Variants in RHBDD2 observed in about 807,000 individuals in gnomAD.
RHBDD2 encodes rhomboid domain containing 2.
In RHBDD2, 13 loss-of-function variants were observed where a neutral mutation model predicts 21.7. The observed-to-expected ratio is 0.60, with a 90% CI of 0.39 to 0.95. The LOEUF (loss-of-function observed/expected upper bound fraction) is 0.95. RHBDD2 is among the 40% of genes least tolerant of loss of function. RHBDD2 has a pLI of 0.00. For missense variants in RHBDD2, 473 were observed against 478.9 expected, an observed-to-expected ratio of 0.99 and a Z score of 0.11; for synonymous variants, 225 against 220.0, an observed-to-expected ratio of 1.02 and a Z score of -0.20.
rs782379443 is a variant in RHBDD2, at chr7:75,888,311, G to A, written c.1057G>A (p.Ala353Thr). The A allele has an allele frequency of 4.3e-6, 7 of 1,612,386 alleles. No individual in the cohort carries two copies. The highest frequency in any genetic ancestry group is 4.0e-5 in the African/African-American group (3 of 74,940). ...TGGGGCCTTGGGCACACCAGGGGCT[G>A]CAGGCTCCAAGGAGTCCTCCAGGGT... ...YSGALGTPGA[A>T]GSKESSRVPM... Residue 353 changes from alanine to threonine, a missense_variant, in exon 4 of 4, where the codon GCA (alanine) becomes ACA (threonine). By Grantham distance (58) the Ala-to-Thr change is moderately conservative (BLOSUM62 0). Transcript: ENST00000006777.
chr7:75,881,296 T>A, intron 1 of RHBDD2: 1 of 1,216,200 alleles, frequency 8.2e-7, no homozygotes, highest in South Asian at 1.3e-5. Context: ...ATCTTTATTG[T>A]TAATGATAGT....
chr7:75,884,114 C>T (rs537260053), intron 3 of RHBDD2, among the ~76,000 whole-genome samples: 3 of 152,170 alleles, frequency 2.0e-5, no homozygotes, highest in South Asian at 2.1e-4. Context: ...AGGCTGGTCT[C>T]GAACTCCTGA....
chr7:75,883,612 G>A, intron 2 of RHBDD2, 86 bp from the exon 3 acceptor site: 1 of 1,200,276 alleles, frequency 8.3e-7, no homozygotes, highest in East Asian at 2.4e-5. Context: ...CTTCTGTAGA[G>A]TGAGTGGGAA....
chr7:75,882,650 C>CT (rs1219961541), intron 2 of RHBDD2, among the ~76,000 whole-genome samples: 1 of 151,244 alleles, frequency 6.6e-6, no homozygotes. Context: ...TTTTTTTTTA[C>CT]TTTTTTTTTC....
At position 75,888,822 on chromosome 7, in the gene RHBDD2, G is replaced by A. The variant is rs576871819; in HGVS notation, c.*473G>A. 30 of 169,270 alleles carry A rather than the reference G, an allele frequency of 1.8e-4. No homozygotes were observed. Among genetic ancestry groups the A allele is most frequent in the Non-Finnish European group, 3.1e-4 (24 of 78,242 alleles). 10.5% of individuals were successfully genotyped at this position (169,270 alleles called of 1,614,324 possible). On this transcript the variant is annotated 3_prime_UTR_variant, in exon 4 of 4. Coordinates refer to ENST00000006777, the MANE Select transcript of RHBDD2 (RefSeq NM_001040456.3). ...CCCCTGCTGCGGGCGCCCCCACCCCGATTCCTCTCCCCAGAAGCGGTGGGA... is the reference window on the plus strand; with the variant it reads ...CCCCTGCTGCGGGCGCCCCCACCCCAATTCCTCTCCCCAGAAGCGGTGGGA...
At chr7:75,880,853 G>A (rs1459827248) in intron 1 of RHBDD2, among the ~76,000 whole-genome samples, 5 of 152,102 alleles carry the variant, frequency 3.3e-5, no homozygotes, top group African/African-American at 9.7e-5. Context: ...AGCCTCCCAA[G>A]TAGCTGGGAC....
At chr7:75,884,535 C>G (rs1009512513) in intron 3 of RHBDD2, among the ~76,000 whole-genome samples, 2 of 152,158 alleles carry the variant, frequency 1.3e-5, no homozygotes, top group African/African-American at 4.8e-5. Context: ...ATTATTAAAG[C>G]AACTCCAGGG....
chr7:75,883,518 C>CAA (rs143886218), intron 2 of RHBDD2, 180 bp from the exon 3 acceptor site: 474 of 438,836 alleles, frequency 1.1e-3, no homozygotes, highest in East Asian at 1.5e-3. Flanking sequence ...GACTCCATCT[C>CAA]AAAAAAAAAA....
chr7:75,883,139 G>A (rs1805430551), intron 2 of RHBDD2, among the ~76,000 whole-genome samples: 1 of 152,166 alleles, frequency 6.6e-6, no homozygotes, highest in South Asian at 2.1e-4. Context: ...TGCAAGTGGT[G>A]GCACACATGG....
At chr7:75,887,759 C>A (rs1805767799) in intron 3 of RHBDD2, among the ~76,000 whole-genome samples, 1 of 152,040 alleles carries the variant, frequency 6.6e-6, no homozygotes, top group Admixed American at 6.6e-5. Flanking sequence ...GTGGCAGGTC[C>A]AGTGTCCTTT....
At chr7:75,883,936 C>A in intron 3 of RHBDD2, 88 bp downstream of exon 3, 2 of 1,161,310 alleles carry the variant, frequency 1.7e-6, no homozygotes, top group Non-Finnish European at 1.2e-6. Flanking sequence ...ACTCTGTCAC[C>A]CAGGCTGTAG....
chr7:75,881,938 C>T lies in RHBDD2; in HGVS notation c.288C>T (p.Thr96=), dbSNP rs1554542619. ...FAGNFERTVG[T]VRHCFFTVIF... The stretch of plus-strand genomic sequence containing the variant: ...GCAATTTCGAGAGAACCGTGGGCAC[C>T]GTCCGCCACTGCTTCTTCACCGTGA... The change falls in exon 2 of 4, where the codon ACC becomes ACT. Residue 96 remains threonine, a synonymous_variant. Transcript: ENST00000006777. 6.8e-6 allele frequency: 11 copies of T among 1,614,224 alleles called. No individual in the cohort carries two copies. The highest frequency in any genetic ancestry group is 5.0e-5 in the Admixed American group (3 of 60,024).
In RHBDD2 at chr7:75,888,156, C is replaced by G; in HGVS notation, c.902C>G (p.Ser301Cys). 1 of 1,613,908 alleles carries G rather than the reference C, an allele frequency of 6.2e-7. No homozygotes were observed. Among genetic ancestry groups the G allele is most frequent in the Non-Finnish European group, 8.5e-7 (1 of 1,180,042 alleles). Reference protein sequence around the residue: ...MPTLPPYQPASGLCYVQNHFG... With the variant: ...MPTLPPYQPACGLCYVQNHFG... ...ACCTTGCCTCCGTACCAGCCTGCCT[C>G]CGGCCTGTGCTATGTGCAGAACCAC... Residue 301 changes from serine (S) to cysteine (C), a missense_variant, in exon 4 of 4, where the codon TCC (serine) becomes TGC (cysteine). Transcript: ENST00000006777.
At chr7:75,881,537 C>G (rs1296048274) in intron 1 of RHBDD2, 1 of 1,361,016 alleles carries the variant, frequency 7.3e-7, no homozygotes, top group Non-Finnish European at 9.6e-7. Flanking sequence ...TTTACAAATT[C>G]AGAGACTGCC....
At chr7:75,883,629 T>A in intron 2 of RHBDD2, 69 bp from the exon 3 acceptor site, 1 of 1,383,984 alleles carries the variant, frequency 7.2e-7, no homozygotes. Context: ...GGAACCTGTG[T>A]TCTCCCCGGG....
rs1805829390 is a variant in RHBDD2, at chr7:75,888,419, T to C, written c.*70T>C. 1 of 1,260,868 alleles carries C rather than the reference T, an allele frequency of 7.9e-7. No homozygotes were observed. 78.1% of individuals were successfully genotyped at this position (1,260,868 alleles called of 1,614,324 possible). ...TCCCTAAGAGTCTCCTGACAAAAGT[T>C]ACTTATTGAACACCTCTATGTGCCA... On this transcript the variant is annotated 3_prime_UTR_variant, in exon 4 of 4. Transcript: ENST00000006777.
intron 3 of RHBDD2, among the ~76,000 whole-genome samples, chr7:75,885,657 A>G (rs1231385349): frequency 1.3e-5 from 2 of 152,156 alleles, no homozygotes; most frequent in Non-Finnish European, 2.9e-5. Flanking sequence ...CACCGGCCTC[A>G]GGCAGCTTCC....
chr7:75,885,797 A>C (rs2116037739), intron 3 of RHBDD2, among the ~76,000 whole-genome samples: 2 of 152,182 alleles, frequency 1.3e-5, no homozygotes, highest in South Asian at 4.2e-4. Context: ...CAAGCCACTC[A>C]CGCAAGGTCT....
In RHBDD2 at chr7:75,888,560, C is replaced by G. The variant is rs2116066279; in HGVS notation, c.*211C>G. On this transcript the variant is annotated 3_prime_UTR_variant, in exon 4 of 4. Coordinates refer to ENST00000006777, the MANE Select transcript of RHBDD2 (RefSeq NM_001040456.3). ...TTACAGATGCAGAAAGCGAGACGTT[C>G]TGCCATCAGATAAAGTCACGTGGCT... The G allele has an allele frequency of 1.9e-6, 1 of 535,642 alleles. No individual in the cohort carries two copies. The highest frequency in any genetic ancestry group is 3.4e-4 in the Middle Eastern group (1 of 2,958). The allele number at this position is 535,642 out of a possible 1,614,324, so 33.2% of individuals were successfully genotyped here. A position where few individuals can be genotyped will look rare whatever the true frequency, so the allele number is the denominator to read the frequency against.
Sources: gnomAD v4.1 joint callset for allele counts (sites outside exome capture counted in the v4.1 genomes callset) on GRCh38, gnomAD v4.1.1 for gene constraint, MANE v1.5 for transcripts, NCBI Gene and HGNC (gene_info 2026-07-23, HGNC 2026-07-21) for gene names.